PARP12: variants seen among roughly 807,000 people sequenced by gnomAD.
The protein encoded by PARP12 is poly(ADP-ribose) polymerase family member 12, also known as protein mono-ADP-ribosyltransferase PARP12.
A neutral mutation model predicts 72.4 loss-of-function variants in PARP12; 59 were observed. The ratio of observed to expected loss-of-function variants is 0.81; its 90% CI spans 0.66 to 1.01. PARP12 has a LOEUF of 1.01. PARP12 is among the 50% of genes least tolerant of loss of function. PARP12 has a pLI of 0.00. For synonymous variants in PARP12, 403 were observed against 371.4 expected (o/e 1.09, Z -0.98); for missense variants, 851 against 914.0 (o/e 0.93, Z 0.89).
intron 8 of PARP12, among the ~76,000 whole-genome samples, chr7:140,031,999 G>A (rs542474104): frequency 4.3e-4 from 65 of 152,188 alleles, no homozygotes; most frequent in African/African-American, 1.5e-3. Context: ...ATAACAAAAC[G>A]AGGGCCAACC....
In PARP12 at chr7:140,044,536, G is replaced by T. The variant is rs1329404473; in HGVS notation, c.986+2348C>A. On this transcript the variant is annotated intron_variant, in intron 5 of 11. Transcript: ENST00000263549. The stretch of plus-strand genomic sequence containing the variant: ...CTGTAAAGCCTTCAGACAGAGCAAG[G>T]CCCTGCTAACACCTTCAGTTTGGAC... 2.6e-5 allele frequency among the ~76,000 whole-genome samples: 4 copies of T among 152,120 alleles called. No homozygotes were observed. The East Asian group carries it at 5.8e-4, about 22-fold the overall frequency.
At chr7:140,057,292 C>T in intron 2 of PARP12, 139 bp from the exon 3 acceptor site, 1 of 829,286 alleles carries the variant, frequency 1.2e-6, no homozygotes, top group African/African-American at 1.7e-5. Flanking sequence ...CTATTACATC[C>T]CTCACTCTAG....
At chr7:140,025,574 G>A (rs1249485507) in intron 11 of PARP12, 3 of 456,286 alleles carry the variant, frequency 6.6e-6, no homozygotes, top group Admixed American at 2.4e-5. Flanking sequence ...GACAATATAT[G>A]CCACCTACCT....
intron 9 of PARP12, among the ~76,000 whole-genome samples, chr7:140,028,020 G>C (rs1425389794): frequency 6.6e-6 from 1 of 152,212 alleles, no homozygotes; most frequent in Non-Finnish European, 1.5e-5. Context: ...CCAGGACAGG[G>C]ACCGTCACGT....
intron 1 of PARP12, among the ~76,000 whole-genome samples, chr7:140,061,983 C>CGGGGG (rs34674660): frequency 1.1e-5 from 1 of 89,950 alleles, no homozygotes. Flanking sequence ...CAGAAATGCC[C>CGGGGG]GGGGGGGGGG....
intron 1 of PARP12, among the ~76,000 whole-genome samples, chr7:140,058,769 A>T (rs1445754063): frequency 6.6e-6 from 1 of 152,118 alleles, no homozygotes; most frequent in African/African-American, 2.4e-5. Context: ...TTTCAGAAAC[A>T]CTTCCTGACA....
At chr7:140,027,006 T>C (rs967517670) in intron 10 of PARP12, among the ~76,000 whole-genome samples, 1 of 152,020 alleles carries the variant, frequency 6.6e-6, no homozygotes, top group African/African-American at 2.4e-5. Flanking sequence ...GAAGGCAGAA[T>C]GGACAAGTGA....
At chr7:140,037,401 G>T (rs980937145) in intron 7 of PARP12, among the ~76,000 whole-genome samples, 1 of 152,254 alleles carries the variant, frequency 6.6e-6, no homozygotes, top group African/African-American at 2.4e-5. Flanking sequence ...TCGGACACCT[G>T]TCAGGGACTC....
In PARP12 at chr7:140,024,892, T is replaced by C; in HGVS notation, c.1781-7A>G. The C allele has an allele frequency of 1.9e-6, 3 of 1,611,404 alleles. No individual in the cohort carries two copies. Among genetic ancestry groups the C allele is most frequent in the Non-Finnish European group, 1.7e-6 (2 of 1,178,038 alleles). On this transcript the variant is annotated splice_polypyrimidine_tract_variant and splice_region_variant and intron_variant, in intron 11 of 11. Transcript: ENST00000263549. The stretch of plus-strand genomic sequence containing the variant: ...TCTCGGGCAAAGTAGCTCCCTGAAA[T>C]GACACACGAGGGCTCAGCTGGTGGA...
intron 5 of PARP12, among the ~76,000 whole-genome samples, chr7:140,044,328 T>C (rs779837598): frequency 9.2e-5 from 14 of 152,242 alleles, no homozygotes; most frequent in African/African-American, 2.7e-4. Flanking sequence ...TGAGGTCATA[T>C]TGGATTCGGG....
intron 8 of PARP12, among the ~76,000 whole-genome samples, chr7:140,030,552 C>G (rs1168789650): frequency 1.3e-5 from 2 of 152,238 alleles, no homozygotes; most frequent in African/African-American, 2.4e-5. Flanking sequence ...GAGCCAAGAT[C>G]ATGCCACTGC....
chr7:140,058,182 G>T, intron 1 of PARP12, 148 bp from the exon 2 acceptor site: 1 of 868,678 alleles, frequency 1.2e-6, no homozygotes, highest in Non-Finnish European at 1.8e-6. Flanking sequence ...GAGGTCCATA[G>T]GGTGGGCCCC....
chr7:140,030,666 C>T (rs1045644875), intron 8 of PARP12, among the ~76,000 whole-genome samples: 3 of 152,216 alleles, frequency 2.0e-5, no homozygotes, highest in African/African-American at 7.2e-5. Flanking sequence ...AAACAGTTTT[C>T]CAACAAATCT....
At chr7:140,054,912 G>C in intron 3 of PARP12, 149 bp from the exon 4 acceptor site, 1 of 631,530 alleles carries the variant, frequency 1.6e-6, no homozygotes, top group African/African-American at 1.8e-5. Context: ...TCCTACACAG[G>C]TGGATCCTCT....
At chr7:140,050,375 G>A (rs865856056) in intron 4 of PARP12, among the ~76,000 whole-genome samples, 1 of 152,140 alleles carries the variant, frequency 6.6e-6, no homozygotes, top group African/African-American at 2.4e-5. Flanking sequence ...TGAATATAAG[G>A]GTTAGAGCAA....
chr7:140,062,702 A>T lies in PARP12; in HGVS notation c.146T>A (p.Phe49Tyr). Residue 49 changes from phenylalanine (F) to tyrosine (Y), a missense_variant, in exon 1 of 12, where the codon TTC becomes TAC. By Grantham distance (22) the Phe-to-Tyr change is conservative (BLOSUM62 3). Coordinates refer to ENST00000263549, the MANE Select transcript of PARP12 (RefSeq NM_022750.4). Reference sequence around the variant, plus strand: ...GCCGCCCGCCCGCACCGCCACCACGAAGCGCCCACGCTGCCGCAGCAGCCG... The same window carrying T: ...GCCGCCCGCCCGCACCGCCACCACGTAGCGCCCACGCTGCCGCAGCAGCCG... ...LERLLRQRGRFVVAVRAGGAA... is the reference protein window; with the variant it reads ...LERLLRQRGRYVVAVRAGGAA... 7.6e-7 allele frequency: 1 copy of T among 1,318,178 alleles called. No homozygotes were observed. Among genetic ancestry groups the T allele is most frequent in the Non-Finnish European group, 9.7e-7 (1 of 1,029,768 alleles). The allele number at this position is 1,318,178 out of a possible 1,614,324, so 81.7% of individuals were successfully genotyped here. A position where few individuals can be genotyped will look rare whatever the true frequency, so the allele number is the denominator to read the frequency against.
At chr7:140,053,741 C>T (rs1220572093) in intron 4 of PARP12, among the ~76,000 whole-genome samples, 1 of 152,054 alleles carries the variant, frequency 6.6e-6, no homozygotes, top group African/African-American at 2.4e-5. Flanking sequence ...TCATTATAAT[C>T]AACTACTACA....
intron 10 of PARP12, among the ~76,000 whole-genome samples, chr7:140,026,921 C>T (rs1356233375): frequency 6.6e-6 from 1 of 152,198 alleles, no homozygotes; most frequent in Admixed American, 6.5e-5. Context: ...GAGACCCCTG[C>T]TGTCTAGCCA....
intron 1 of PARP12, among the ~76,000 whole-genome samples, chr7:140,062,233 AC>A (rs1272074182): frequency 9.5e-6 from 1 of 105,722 alleles, no homozygotes; most frequent in East Asian, 3.0e-4. Flanking sequence ...CTCCCTCCCC[AC>A]CCCACACGGC....
Sources: gnomAD v4.1 joint callset for allele counts (sites outside exome capture counted in the v4.1 genomes callset) on GRCh38, gnomAD v4.1.1 for gene constraint, MANE v1.5 for transcripts, NCBI Gene and HGNC (gene_info 2026-07-23, HGNC 2026-07-21) for gene names.